DGKH: variants seen among roughly 807,000 people sequenced by gnomAD.
DGKH encodes the protein DAG kinase eta.
In DGKH, 90 loss-of-function variants were observed where a neutral mutation model predicts 159.3. The ratio of observed to expected loss-of-function variants is 0.57; its 90% CI spans 0.48 to 0.67. The LOEUF is 0.67. Ranked by LOEUF, DGKH falls within the 30% of genes least tolerant of loss-of-function variation. DGKH has a pLI of 0.00. For missense variants in DGKH, 1,181 were observed against 1,506.1 expected (o/e 0.78, Z 3.57); for synonymous variants, 536 against 553.8 (o/e 0.97, Z 0.45).
At chr13:42,181,069 G>T (rs990148109) in intron 13 of DGKH, among the ~76,000 whole-genome samples, 3 of 151,998 alleles carry the variant, frequency 2.0e-5, no homozygotes, top group African/African-American at 7.2e-5. Context: ...GAGGTCAGGA[G>T]ATCGAGACCA....
intron 18 of DGKH, among the ~76,000 whole-genome samples, chr13:42,198,920 T>C (rs986183271): frequency 1.3e-5 from 2 of 152,200 alleles, no homozygotes; most frequent in Non-Finnish European, 2.9e-5. Context: ...CTGTCATCTT[T>C]CCACGTCAGC....
intron 17 of DGKH, 101 bp downstream of exon 17, chr13:42,195,117 A>G (rs71429407): frequency 0.13 from 175,815 of 1,392,772 alleles, 13,891 homozygotes; most frequent in East Asian, 0.42. Context: ...AAAGATAAAT[A>G]TTCTTTAGTA....
rs987931929 is a variant in DGKH, at chr13:42,191,899, A to G, written c.2035+1374A>G. Among the ~76,000 whole-genome samples, 14 of 152,118 alleles carry G rather than the reference A, an allele frequency of 9.2e-5. 1 individual carries two copies. The highest frequency in any genetic ancestry group is 3.1e-4 in the African/African-American group (13 of 41,430). ...TTTAAAAAATGTTTGCAATCATTAAATTTTTGCTTTTACTTTCACTACATA... is the reference window on the plus strand; with the variant it reads ...TTTAAAAAATGTTTGCAATCATTAAGTTTTTGCTTTTACTTTCACTACATA... On this transcript the variant is annotated intron_variant, in intron 16 of 29. Coordinates refer to ENST00000337343, the MANE Select transcript of DGKH (RefSeq NM_178009.5).
rs1180379669 is a variant in DGKH, at chr13:42,070,814, C to A, written c.192+21849C>A. On this transcript the variant is annotated intron_variant, in intron 1 of 29. Coordinates refer to ENST00000337343, the MANE Select transcript of DGKH (RefSeq NM_178009.5). ...TTTAGTTCCGTAAGAGAGCCCACAT[C>A]ATCTGTTAATTGGCTCCCACTGGGA... The A allele has an allele frequency of 4.2e-6, 6 of 1,430,286 alleles. No individual in the cohort carries two copies. In the Admixed American group the frequency reaches 1.0e-4, roughly 24 times the overall value. The allele number at this position is 1,430,286 out of a possible 1,614,324, so 88.6% of individuals were successfully genotyped here.
chr13:42,229,109 T>C lies in DGKH; in HGVS notation c.3584T>C (p.Ile1195Thr). The C allele has an allele frequency of 1.2e-6, 2 of 1,610,668 alleles. No individual in the cohort carries two copies. Among genetic ancestry groups the C allele is most frequent in the Non-Finnish European group, 8.5e-7 (1 of 1,178,890 alleles). Residue 1195 changes from isoleucine (I) to threonine (T), a missense_variant, in exon 30 of 30, where the codon ATA becomes ACA. Coordinates refer to ENST00000337343, the MANE Select transcript of DGKH (RefSeq NM_178009.5). ...LERRDLKDLG[I>T]PKVGHVKRIL... ...GTTCTTTTATTTTAGGATCTGGGGA[T>C]ACCGAAAGTGGGTCATGTGAAGCGA...
At chr13:42,117,437 C>T (rs549047325) in intron 1 of DGKH, among the ~76,000 whole-genome samples, 4 of 152,110 alleles carry the variant, frequency 2.6e-5, no homozygotes, top group Non-Finnish European at 5.9e-5. Flanking sequence ...TTATGAGAAG[C>T]GTCTGTTTAG....
downstream of DGKH, among the ~76,000 whole-genome samples, chr13:42,245,640 C>CA (rs1363589319): frequency 2.6e-5 from 4 of 151,974 alleles, no homozygotes; most frequent in Non-Finnish European, 4.4e-5. Flanking sequence ...GGCTGGAGTG[C>CA]AGTGGTGTGA....
chr13:42,177,384 T>C (rs1594150431), intron 12 of DGKH, among the ~76,000 whole-genome samples: 3 of 152,242 alleles, frequency 2.0e-5, no homozygotes, highest in African/African-American at 7.2e-5. Flanking sequence ...CATTCTCCTA[T>C]GGTCTTCCAT....
At chr13:42,172,658 G>A (rs1956492562) in intron 11 of DGKH, among the ~76,000 whole-genome samples, 1 of 152,024 alleles carries the variant, frequency 6.6e-6, no homozygotes, top group Non-Finnish European at 1.5e-5. Context: ...CTTTGTTTCT[G>A]TGTAAAAATC....
intron 1 of DGKH, among the ~76,000 whole-genome samples, chr13:42,085,658 C>CA (rs532613890): frequency 1.3e-5 from 2 of 151,956 alleles, no homozygotes; most frequent in Admixed American, 6.5e-5. Context: ...TCAAAGAGAA[C>CA]AAAAAAACGA....
At chr13:42,074,402 A>C (rs982907027) in intron 1 of DGKH, among the ~76,000 whole-genome samples, 1 of 152,202 alleles carries the variant, frequency 6.6e-6, no homozygotes, top group South Asian at 2.1e-4. Flanking sequence ...TCTCATTCCA[A>C]ATTGGTTGTG....
At chr13:42,192,874 T>C (rs1344377757) in intron 16 of DGKH, among the ~76,000 whole-genome samples, 2 of 152,178 alleles carry the variant, frequency 1.3e-5, no homozygotes, top group Admixed American at 1.3e-4. Flanking sequence ...TAAACAAAAT[T>C]CTTCAGATAT....
chr13:42,219,387 C>T (rs1194271467), intron 27 of DGKH, 38 bp downstream of exon 27: 6 of 1,600,994 alleles, frequency 3.7e-6, no homozygotes, highest in Non-Finnish European at 5.1e-6. Flanking sequence ...GAAATGTAGA[C>T]CATATTGCTA....
upstream of DGKH, among the ~76,000 whole-genome samples, chr13:42,047,479 T>C (rs1246913897): frequency 1.3e-5 from 2 of 152,232 alleles, no homozygotes; most frequent in African/African-American, 2.4e-5. Flanking sequence ...CAGGGACTTT[T>C]TGTCCTATTT....
At position 42,199,840 on chromosome 13, in the gene DGKH, T is replaced by TG; in HGVS notation, c.2426dup (p.Val810SerfsTer22). 1 of 1,612,486 alleles carries TG rather than the reference T, an allele frequency of 6.2e-7. No homozygotes were observed. The highest frequency in any genetic ancestry group is 1.3e-5 in the African/African-American group (1 of 74,984). Reference sequence around the variant, plus strand: ...GCCGAACTAAAAACTTGATGTGGTATGGAGTCCTTGGAACCCGGGAGTTAT... The same window carrying TG: ...GCCGAACTAAAAACTTGATGTGGTATGGGAGTCCTTGGAACCCGGGAGTTAT... On this transcript the variant is annotated frameshift_variant, in exon 20 of 30. Coordinates refer to ENST00000337343, the MANE Select transcript of DGKH (RefSeq NM_178009.5). LOFTEE classifies it high-confidence loss of function.
In DGKH at chr13:42,209,457, A is replaced by G; in HGVS notation, c.2842A>G (p.Arg948Gly). ...VHKNRAQMLT[R>G]DRAFESTLKS... ...CAAAAACAGAGCACAAATGCTAACA[A>G]GGGACAGAGTATGTAACAAAAACAT... Residue 948 changes from arginine (R) to glycine (G), a missense_variant, in exon 23 of 30, where the codon AGG (arginine) becomes GGG (glycine). This residue lies in a region of DGKH where 335 missense variants were observed against 495.2 expected (regional missense o/e 0.68). Coordinates refer to ENST00000337343, the MANE Select transcript of DGKH (RefSeq NM_178009.5). The G allele has an allele frequency of 6.2e-7, 1 of 1,610,442 alleles. No homozygotes were observed. The highest frequency in any genetic ancestry group is 1.1e-5 in the South Asian group (1 of 90,206).
chr13:42,184,067 C>A (rs1466451523), intron 13 of DGKH, among the ~76,000 whole-genome samples: 1 of 152,134 alleles, frequency 6.6e-6, no homozygotes, highest in Admixed American at 6.5e-5. Context: ...ATAATTTAGG[C>A]CAACCCGCCT....
intron 1 of DGKH, among the ~76,000 whole-genome samples, chr13:42,098,800 G>C (rs1171804673): frequency 6.6e-6 from 1 of 152,154 alleles, no homozygotes; most frequent in Non-Finnish European, 1.5e-5. Context: ...CTAATGCTAT[G>C]AGGTAATTAT....
chr13:42,046,909 G>C (rs1880824535), upstream of DGKH, among the ~76,000 whole-genome samples: 1 of 152,168 alleles, frequency 6.6e-6, no homozygotes, highest in African/African-American at 2.4e-5. Context: ...TCTTTCAAAA[G>C]ACCCTTTACT....
Sources: allele counts gnomAD v4.1 joint callset (sites outside exome capture counted in the v4.1 genomes callset), GRCh38; gene constraint gnomAD v4.1.1; regional missense constraint gnomAD v4.1.1; transcripts MANE v1.5; gene names NCBI Gene and HGNC (gene_info 2026-07-23, HGNC 2026-07-21).